CNTNAP2: variants seen among roughly 807,000 people sequenced by gnomAD.
CNTNAP2 encodes the protein contactin associated protein 2.
A neutral mutation model predicts 155.2 loss-of-function variants in CNTNAP2; 98 were observed. The ratio of observed to expected loss-of-function variants is 0.63; its 90% CI spans 0.54 to 0.75. The LOEUF is 0.75. Ranked by LOEUF, CNTNAP2 falls within the 30% of genes least tolerant of loss-of-function variation. The probability of loss-of-function intolerance (pLI) is 0.00; values close to 1 mark genes in which losing one functional copy is unlikely to be tolerated. For missense variants in CNTNAP2, 1,727 were observed against 1,688.1 expected (o/e 1.02, Z -0.40); for synonymous variants, 651 against 631.2 (o/e 1.03, Z -0.47).
intron 1 of CNTNAP2, among the ~76,000 whole-genome samples, chr7:146,182,389 T>C (rs1313777437): frequency 6.6e-6 from 1 of 152,140 alleles, no homozygotes; most frequent in Non-Finnish European, 1.5e-5. Context: ...CATGTACATA[T>C]TATCTGTACA....
At chr7:146,499,548 A>G (rs958147709) in intron 1 of CNTNAP2, among the ~76,000 whole-genome samples, 4 of 152,140 alleles carry the variant, frequency 2.6e-5, no homozygotes, top group African/African-American at 9.6e-5. Context: ...TTTGCATTCT[A>G]TATGAATTTT....
At chr7:147,661,373 A>G (rs1156871092) in intron 13 of CNTNAP2, among the ~76,000 whole-genome samples, 1 of 152,140 alleles carries the variant, frequency 6.6e-6, no homozygotes, top group South Asian at 2.1e-4. Flanking sequence ...AGTGAAGCTC[A>G]GCTCCCTCTT....
intron 1 of CNTNAP2, among the ~76,000 whole-genome samples, chr7:146,177,176 C>T (rs1798481714): frequency 6.6e-6 from 1 of 152,210 alleles, no homozygotes; most frequent in African/African-American, 2.4e-5. Context: ...ATGTCTACAG[C>T]ATTTCCTGAA....
intron 1 of CNTNAP2, among the ~76,000 whole-genome samples, chr7:146,617,487 A>T (rs1376004732): frequency 6.6e-6 from 1 of 151,836 alleles, no homozygotes; most frequent in Non-Finnish European, 1.5e-5. Context: ...TTGATTCATA[A>T]TTCTATGACT....
At chr7:147,970,733 G>A (rs1368947330) in intron 14 of CNTNAP2, among the ~76,000 whole-genome samples, 1 of 152,162 alleles carries the variant, frequency 6.6e-6, no homozygotes, top group African/African-American at 2.4e-5. Context: ...AATGTTGACA[G>A]TCAAACAGAA....
At chr7:147,188,079 A>AT (rs1404802369) in intron 8 of CNTNAP2, among the ~76,000 whole-genome samples, 5 of 152,158 alleles carry the variant, frequency 3.3e-5, no homozygotes, top group South Asian at 2.1e-4. Flanking sequence ...AAATAAATAA[A>AT]ATGAGAGAAA....
chr7:147,999,614 G>T (rs913791621), intron 15 of CNTNAP2, among the ~76,000 whole-genome samples: 4 of 152,092 alleles, frequency 2.6e-5, no homozygotes, highest in African/African-American at 9.7e-5. Flanking sequence ...TCATGCCTGT[G>T]AATATGATCT....
chr7:146,419,472 G>A (rs141983546), intron 1 of CNTNAP2, among the ~76,000 whole-genome samples: 69 of 152,184 alleles, frequency 4.5e-4, no homozygotes, highest in Non-Finnish European at 9.6e-4. Context: ...ATGGAAGCCT[G>A]AGGGAACTAA....
chr7:146,891,664 C>A (rs1795780104), intron 3 of CNTNAP2, among the ~76,000 whole-genome samples: 1 of 152,052 alleles, frequency 6.6e-6, no homozygotes, highest in Non-Finnish European at 1.5e-5. Flanking sequence ...TATGAAGGAT[C>A]TTCTAACATG....
At chr7:146,721,820 G>GACTATATATAGTCTACATATA (rs1563204105) in intron 1 of CNTNAP2, among the ~76,000 whole-genome samples, 2 of 91,092 alleles carry the variant, frequency 2.2e-5, no homozygotes, top group African/African-American at 1.1e-4. Context: ...GTCTATATAT[G>GACTATATATAGTCTACATATA]TAGACTATAT....
intron 15 of CNTNAP2, among the ~76,000 whole-genome samples, chr7:148,099,293 C>T (rs559094930): frequency 5.9e-5 from 9 of 152,088 alleles, no homozygotes; most frequent in East Asian, 1.9e-4. Flanking sequence ...ATTAATAATG[C>T]CATTATCATA....
At chr7:146,190,200 C>T (rs1212401474) in intron 1 of CNTNAP2, among the ~76,000 whole-genome samples, 1 of 152,266 alleles carries the variant, frequency 6.6e-6, no homozygotes, top group Admixed American at 6.5e-5. Context: ...ATTTCTACTG[C>T]CTTTTATATG....
intron 13 of CNTNAP2, among the ~76,000 whole-genome samples, chr7:147,710,116 A>G (rs1368844666): frequency 6.6e-6 from 1 of 152,086 alleles, no homozygotes; most frequent in Non-Finnish European, 1.5e-5. Context: ...CATCCTACAA[A>G]ACACACATGA....
chr7:147,418,157 A>C (rs1398160816), intron 10 of CNTNAP2, among the ~76,000 whole-genome samples: 5 of 152,214 alleles, frequency 3.3e-5, no homozygotes, highest in Admixed American at 2.0e-4. Flanking sequence ...AGTGAATAAT[A>C]TTCTTCTTAA....
intron 21 of CNTNAP2, among the ~76,000 whole-genome samples, chr7:148,308,250 G>A (rs1362581060): frequency 6.6e-6 from 1 of 151,898 alleles, no homozygotes; most frequent in African/African-American, 2.4e-5. Flanking sequence ...TGAATTATAT[G>A]TCATAGGATT....
chr7:147,849,612 G>C (rs1031786689), intron 13 of CNTNAP2, among the ~76,000 whole-genome samples: 23 of 152,180 alleles, frequency 1.5e-4, no homozygotes, highest in African/African-American at 4.8e-4. Context: ...TTGTACAGTA[G>C]AAACATGCAA....
intron 1 of CNTNAP2, among the ~76,000 whole-genome samples, chr7:146,325,589 C>G (rs1348588904): frequency 6.6e-6 from 1 of 151,906 alleles, no homozygotes; most frequent in Non-Finnish European, 1.5e-5. Flanking sequence ...GATGGACACG[C>G]CCCCCTATAC....
At chr7:147,068,785 C>A (rs559153426) in intron 4 of CNTNAP2, among the ~76,000 whole-genome samples, 21 of 152,360 alleles carry the variant, frequency 1.4e-4, no homozygotes, top group African/African-American at 5.0e-4. Context: ...TTCAGAACTG[C>A]CAAATCATCC....
At chr7:146,479,475 T>C (rs1796927525) in intron 1 of CNTNAP2, among the ~76,000 whole-genome samples, 1 of 152,178 alleles carries the variant, frequency 6.6e-6, no homozygotes, top group South Asian at 2.1e-4. Flanking sequence ...AACAGTTTTA[T>C]GAATTTAAAA....
Sources: gnomAD v4.1 joint callset for allele counts (sites outside exome capture counted in the v4.1 genomes callset) on GRCh38, gnomAD v4.1.1 for gene constraint, MANE v1.5 for transcripts, NCBI Gene and HGNC (gene_info 2026-07-23, HGNC 2026-07-21) for gene names.